The following PPIP5K2 variants were observed in gnomAD, a reference collection of about 807,000 sequenced individuals.
The protein encoded by PPIP5K2 is diphosphoinositol pentakisphosphate kinase 2.
Under a neutral mutation model 154.6 loss-of-function variants are expected in PPIP5K2, and 105 were observed. The ratio of observed to expected loss-of-function variants is 0.68; its 90% CI spans 0.58 to 0.80. The LOEUF is 0.80. Ranked by LOEUF, PPIP5K2 falls within the 30% of genes least tolerant of loss-of-function variation. The pLI, the probability that PPIP5K2 is intolerant of heterozygous loss-of-function variation, is 0.00. For synonymous variants in PPIP5K2, 480 were observed against 490.3 expected (o/e 0.98, Z 0.28); for missense variants, 992 against 1,504.6 (o/e 0.66, Z 5.64).
rs1791547290 is a variant in PPIP5K2 at position 103,136,611 on chromosome 5, A to G, written c.311-121A>G. On this transcript the variant is annotated intron_variant, in intron 3 of 30. Coordinates refer to ENST00000358359, the MANE Select transcript of PPIP5K2 (RefSeq NM_001276277.3). ...TATGTATATATTCCATACCTTTTATAGAAGGGTGTTATGTGTTAATGAAAT... is the reference window on the plus strand; with the variant it reads ...TATGTATATATTCCATACCTTTTATGGAAGGGTGTTATGTGTTAATGAAAT... 5.6e-6 allele frequency: 4 copies of G among 714,970 alleles called. No homozygotes were observed. In the South Asian group the frequency reaches 6.7e-5, roughly 12 times the overall value. 44.3% of individuals were successfully genotyped at this position (714,970 alleles called of 1,614,324 possible). A position where few individuals can be genotyped will look rare whatever the true frequency, so the allele number is the denominator to read the frequency against.
At chr5:103,137,735 AT>A (rs1298491996) in intron 4 of PPIP5K2, among the ~76,000 whole-genome samples, 2 of 151,926 alleles carry the variant, frequency 1.3e-5, no homozygotes, top group African/African-American at 4.8e-5. Flanking sequence ...TTTTCACTTT[AT>A]TTTTTTCTAT....
At chr5:103,122,195 C>T (rs533487543) in intron 1 of PPIP5K2, among the ~76,000 whole-genome samples, 4 of 151,980 alleles carry the variant, frequency 2.6e-5, no homozygotes, top group East Asian at 1.9e-4. Context: ...TCAACTTTTC[C>T]GAATATTTGA....
chr5:103,143,892 C>A (rs1438420783), intron 5 of PPIP5K2, among the ~76,000 whole-genome samples: 1 of 152,000 alleles, frequency 6.6e-6, no homozygotes, highest in African/African-American at 2.4e-5. Flanking sequence ...AGGATGTCTA[C>A]TTTCATCTCT....
intron 19 of PPIP5K2, among the ~76,000 whole-genome samples, chr5:103,169,289 G>A (rs1390339629): frequency 6.6e-6 from 1 of 151,702 alleles, no homozygotes; most frequent in Non-Finnish European, 1.5e-5. Flanking sequence ...TTGTAAAGAG[G>A]AGGTTGGAGT....
rs971989999 is a variant in PPIP5K2, at chr5:103,204,592, G to T, written c.*2958G>T. 6.6e-6 allele frequency: 1 copy of T among 152,080 alleles called. No homozygotes were observed. The highest frequency in any genetic ancestry group is 1.5e-5 in the Non-Finnish European group (1 of 68,048). The allele number at this position is 152,080 out of a possible 1,614,324, so 9.4% of individuals were successfully genotyped here. A position where few individuals can be genotyped will look rare whatever the true frequency, so the allele number is the denominator to read the frequency against. Reference sequence around the variant, plus strand: ...CCTAAATAGCTGGTACTATAGGTGCGTGCCACCACACCCAGCTCATGGGAA... The same window carrying T: ...CCTAAATAGCTGGTACTATAGGTGCTTGCCACCACACCCAGCTCATGGGAA... On this transcript the variant is annotated 3_prime_UTR_variant, in exon 31 of 31. Transcript: ENST00000358359.
intron 19 of PPIP5K2, 104 bp from the exon 20 acceptor site, chr5:103,173,051 G>C: frequency 1.1e-6 from 1 of 905,228 alleles, no homozygotes; most frequent in Non-Finnish European, 1.6e-6. Flanking sequence ...TTCAAAAAAG[G>C]CTTGATAAAA....
At chr5:103,138,766 G>T (rs937398633) in intron 5 of PPIP5K2, among the ~76,000 whole-genome samples, 1 of 152,178 alleles carries the variant, frequency 6.6e-6, no homozygotes, top group African/African-American at 2.4e-5. Context: ...GATTAAAGGT[G>T]AACAAGTGAT....
In PPIP5K2 at chr5:103,149,284, A is replaced by G; in HGVS notation, c.877A>G (p.Ile293Val). ...TATTCTCAATGCACGAGAGAAATTA[A>G]TTGCTTGGAAAGTCTGCCTTGCTTT... is the stretch of plus-strand genomic sequence containing the variant. ...PVILNAREKL[I>V]AWKVCLAFKQ... Residue 293 changes from isoleucine (I) to valine (V), a missense_variant, in exon 8 of 31, where the codon ATT becomes GTT. By Grantham distance (29) the Ile-to-Val change is conservative (BLOSUM62 3). Coordinates refer to ENST00000358359, the MANE Select transcript of PPIP5K2 (RefSeq NM_001276277.3). The G allele has an allele frequency of 1.9e-6, 3 of 1,613,674 alleles. No individual in the cohort carries two copies. The highest frequency in any genetic ancestry group is 2.5e-6 in the Non-Finnish European group (3 of 1,179,706).
intron 1 of PPIP5K2, among the ~76,000 whole-genome samples, chr5:103,126,175 A>G (rs1258027634): frequency 2.6e-5 from 4 of 152,146 alleles, no homozygotes; most frequent in African/African-American, 9.7e-5. Context: ...TCACCTTATT[A>G]AAGAGGTCTT....
Position 103,168,861 on chromosome 5 carries a change from C to G in PPIP5K2, c.2286+566C>G, listed in dbSNP as rs527319868. Among the ~76,000 whole-genome samples the G allele has an allele frequency of 4.2e-4, 63 of 151,544 alleles. No individual in the cohort carries two copies. In the South Asian group the frequency reaches 8.5e-3, roughly 21 times the overall value. Reference sequence around the variant, plus strand: ...CTCTTAGAGAATAATAATATGTGAACAAACTAAAGAATGGAAAACAGTATG... The same window carrying G: ...CTCTTAGAGAATAATAATATGTGAAGAAACTAAAGAATGGAAAACAGTATG... On this transcript the variant is annotated intron_variant, in intron 19 of 30. Coordinates refer to ENST00000358359, the MANE Select transcript of PPIP5K2 (RefSeq NM_001276277.3).
intron 29 of PPIP5K2, among the ~76,000 whole-genome samples, chr5:103,192,695 G>A (rs1041283127): frequency 5.3e-5 from 8 of 152,112 alleles, no homozygotes; most frequent in Non-Finnish European, 1.0e-4. Flanking sequence ...TCATTTTGTA[G>A]TTAGTGAATT....
chr5:103,142,177 C>G (rs552462382), intron 5 of PPIP5K2, among the ~76,000 whole-genome samples: 11 of 152,368 alleles, frequency 7.2e-5, no homozygotes, highest in African/African-American at 2.6e-4. Context: ...GAGCCCTGCC[C>G]TGCGGGAAGG....
At chr5:103,165,034 C>A (rs1796922685) in intron 17 of PPIP5K2, among the ~76,000 whole-genome samples, 1 of 151,988 alleles carries the variant, frequency 6.6e-6, no homozygotes, top group South Asian at 2.1e-4. Flanking sequence ...AGTCACTCAT[C>A]TGGGAAAAGA....
At chr5:103,144,651 A>G (rs570079180) in intron 5 of PPIP5K2, among the ~76,000 whole-genome samples, 2 of 152,304 alleles carry the variant, frequency 1.3e-5, no homozygotes, top group Admixed American at 1.3e-4. Context: ...GACAAAGTTG[A>G]CCAGAATGTC....
intron 19 of PPIP5K2, among the ~76,000 whole-genome samples, chr5:103,172,020 C>T (rs1260678179): frequency 6.6e-6 from 1 of 151,586 alleles, no homozygotes; most frequent in Admixed American, 6.6e-5. Flanking sequence ...TCTTTCCATT[C>T]ATTCAAGATC....
At chr5:103,174,127 C>A in intron 21 of PPIP5K2, 155 bp downstream of exon 21, 1 of 538,096 alleles carries the variant, frequency 1.9e-6, no homozygotes, top group Non-Finnish European at 3.2e-6. Flanking sequence ...AAGCATTTTG[C>A]TAGATTTTAG....
chr5:103,201,625 A>G lies in PPIP5K2; in HGVS notation c.3723A>G (p.Lys1241=). The G allele has an allele frequency of 1.3e-6, 2 of 1,589,696 alleles. No homozygotes were observed. The highest frequency in any genetic ancestry group is 1.7e-6 in the Non-Finnish European group (2 of 1,163,452). Residue 1241 remains lysine, a synonymous_variant, in exon 31 of 31, where the codon AAA becomes AAG. Coordinates refer to ENST00000358359, the MANE Select transcript of PPIP5K2 (RefSeq NM_001276277.3). ...ATGAACACAAAAAAAACACTGGGAA[A>G]AAGAAATGAAATCTTAGCAGAAGCT... ...ETHEHKKNTG[K]KK
At position 103,151,207 on chromosome 5, in the gene PPIP5K2, T is replaced by G. The variant is rs552425755; in HGVS notation, c.907-46T>G. ...GATAGGACTAGAAAACTGTGAATCT[T>G]AATAATTTAAATAAAACCTTAAAGT... On this transcript the variant is annotated intron_variant, in intron 8 of 30. Transcript: ENST00000358359. The G allele has an allele frequency of 5.4e-5, 80 of 1,491,988 alleles. 1 individual carries two copies. In the Middle Eastern group the frequency reaches 8.7e-4, roughly 16 times the overall value. 92.4% of individuals were successfully genotyped at this position (1,491,988 alleles called of 1,614,324 possible). A position where few individuals can be genotyped will look rare whatever the true frequency, so the allele number is the denominator to read the frequency against.
chr5:103,148,903 G>A (rs781921978), intron 7 of PPIP5K2, among the ~76,000 whole-genome samples: 3 of 151,578 alleles, frequency 2.0e-5, no homozygotes, highest in Admixed American at 6.6e-5. Context: ...GTATTCCCTC[G>A]TAATACTCAA....
Sources: gnomAD v4.1 joint callset for allele counts (sites outside exome capture counted in the v4.1 genomes callset) on GRCh38, gnomAD v4.1.1 for gene constraint, MANE v1.5 for transcripts, NCBI Gene and HGNC (gene_info 2026-07-23, HGNC 2026-07-21) for gene names.